The following MEIKIN variants were observed in gnomAD, a reference collection of about 807,000 sequenced individuals.
MEIKIN encodes meiosis-specific kinetochore protein.
intron 8 of MEIKIN, among the ~76,000 whole-genome samples, chr5:131,880,070 C>G (rs889019512): frequency 6.6e-6 from 1 of 151,800 alleles, no homozygotes; most frequent in Non-Finnish European, 1.5e-5. Context: ...CAGGCACACA[C>G]CACCACGCCC....
chr5:131,845,272 TAAAAAA>T lies in MEIKIN; in HGVS notation c.975+5986_975+5991del, dbSNP rs1158220526. Reference sequence around the variant, plus strand: ...GTGACAGAGCGAGAAGACTTCGTCTTAAAAAAAAAAAAAAAAAAAAAAAAAAAAGAT... The same window carrying T: ...GTGACAGAGCGAGAAGACTTCGTCTTAAAAAAAAAAAAAAAAAAAAAAGAT... On this transcript the variant is annotated intron_variant, in intron 11 of 12. Coordinates refer to ENST00000442687, the MANE Select transcript of MEIKIN (RefSeq NM_001303622.2). Among the ~76,000 whole-genome samples, 390 of 45,360 alleles carry T rather than the reference TAAAAAA, an allele frequency of 8.6e-3. 20 individuals carry two copies. The highest frequency in any genetic ancestry group is 0.046 in the African/African-American group (331 of 7,164). 29.8% of individuals were successfully genotyped at this position (45,360 alleles called of 152,430 possible). A position where few individuals can be genotyped will look rare whatever the true frequency, so the allele number is the denominator to read the frequency against.
Position 131,879,067 on chromosome 5 carries a change from T to C in MEIKIN, c.704-19A>G. On this transcript the variant is annotated intron_variant, in intron 8 of 12. Coordinates refer to ENST00000442687, the MANE Select transcript of MEIKIN (RefSeq NM_001303622.2). ...GCATTATCTATAAATAAAAACATAG[T>C]TCAGTATTCTACTTATTTCAACTGT... is the stretch of plus-strand genomic sequence containing the variant. The C allele has an allele frequency of 2.5e-6, 1 of 398,490 alleles. No individual in the cohort carries two copies. The highest frequency in any genetic ancestry group is 4.4e-6 in the Non-Finnish European group (1 of 225,796). The allele number at this position is 398,490 out of a possible 1,614,324, so 24.7% of individuals were successfully genotyped here.
chr5:131,852,690 T>C (rs1439963696), intron 10 of MEIKIN, among the ~76,000 whole-genome samples: 1 of 152,094 alleles, frequency 6.6e-6, no homozygotes, highest in East Asian at 1.9e-4. Flanking sequence ...GGCTGACTAT[T>C]AACGAATAGG....
chr5:131,907,188 G>T (rs1385146443), intron 8 of MEIKIN, among the ~76,000 whole-genome samples: 3 of 151,916 alleles, frequency 2.0e-5, no homozygotes, highest in African/African-American at 7.3e-5. Flanking sequence ...TACAGTGAAA[G>T]CAGTACTAAC....
intron 11 of MEIKIN, among the ~76,000 whole-genome samples, chr5:131,836,224 T>C (rs1749803606): frequency 6.6e-6 from 1 of 151,994 alleles, no homozygotes; most frequent in African/African-American, 2.4e-5. Flanking sequence ...AAAGACATGA[T>C]CTCATTCTTT....
chr5:131,885,302 G>GT, intron 8 of MEIKIN, among the ~76,000 whole-genome samples: 1 of 148,114 alleles, frequency 6.8e-6, no homozygotes, highest in African/African-American at 2.5e-5. Flanking sequence ...AGAGGTGCTT[G>GT]TGTTACCCCA....
intron 11 of MEIKIN, among the ~76,000 whole-genome samples, chr5:131,827,831 A>G (rs1395007297): frequency 6.6e-6 from 1 of 152,176 alleles, no homozygotes; most frequent in African/African-American, 2.4e-5. Context: ...TTTCAAACAC[A>G]CGCAACATAT....
At chr5:131,820,943 T>C (rs2149603246) in intron 11 of MEIKIN, among the ~76,000 whole-genome samples, 1 of 152,290 alleles carries the variant, frequency 6.6e-6, no homozygotes. Flanking sequence ...TGTTTATCTT[T>C]TCAAAATACC....
intron 11 of MEIKIN, among the ~76,000 whole-genome samples, chr5:131,837,209 A>G (rs931725389): frequency 2.0e-5 from 3 of 152,052 alleles, no homozygotes; most frequent in African/African-American, 7.2e-5. Context: ...TGAGCTCTCT[A>G]TTCTGTTCCT....
chr5:131,857,226 C>T (rs1183318767), intron 9 of MEIKIN, among the ~76,000 whole-genome samples: 1 of 151,770 alleles, frequency 6.6e-6, no homozygotes, highest in Non-Finnish European at 1.5e-5. Context: ...AAAACATTTC[C>T]AGCACTTCTC....
At chr5:131,885,500 CT>C (rs1339827912) in intron 8 of MEIKIN, among the ~76,000 whole-genome samples, 2 of 151,612 alleles carry the variant, frequency 1.3e-5, no homozygotes, top group Non-Finnish European at 2.9e-5. Flanking sequence ...CCAGATAATT[CT>C]TTCAGATCTT....
At chr5:131,844,071 A>G (rs888805462) in intron 11 of MEIKIN, among the ~76,000 whole-genome samples, 6 of 152,178 alleles carry the variant, frequency 3.9e-5, no homozygotes, top group South Asian at 2.1e-4. Flanking sequence ...ATGTGGCAAC[A>G]GGAGAAAAAG....
intron 6 of MEIKIN, among the ~76,000 whole-genome samples, chr5:131,920,073 C>CA (rs901537846): frequency 4.6e-5 from 7 of 152,150 alleles, no homozygotes; most frequent in Admixed American, 1.3e-4. Context: ...ATGCTAAAGA[C>CA]AAAAAGAACT....
chr5:131,942,823 C>T (rs1182734301), intron 3 of MEIKIN, 128 bp from the exon 4 acceptor site: 12 of 374,084 alleles, frequency 3.2e-5, no homozygotes, highest in Non-Finnish European at 5.7e-5. Flanking sequence ...ATATATAATA[C>T]ATTCATTCAG....
intron 8 of MEIKIN, among the ~76,000 whole-genome samples, chr5:131,881,568 C>G (rs1750703181): frequency 6.6e-6 from 1 of 152,124 alleles, no homozygotes; most frequent in South Asian, 2.1e-4. Context: ...ATAGCCCCAG[C>G]CTCTGGTCTG....
chr5:131,885,226 G>C (rs1190092422), intron 8 of MEIKIN, among the ~76,000 whole-genome samples: 1 of 152,076 alleles, frequency 6.6e-6, no homozygotes, highest in African/African-American at 2.4e-5. Context: ...CCTTGGGTGA[G>C]ACCCAGTGCT....
intron 11 of MEIKIN, among the ~76,000 whole-genome samples, chr5:131,840,630 G>A (rs1002448700): frequency 6.6e-6 from 1 of 152,074 alleles, no homozygotes. Context: ...CCTCAGCCTG[G>A]TCTATTCTGC....
intron 11 of MEIKIN, among the ~76,000 whole-genome samples, chr5:131,850,808 T>C (rs1040981153): frequency 3.3e-5 from 5 of 151,930 alleles, no homozygotes; most frequent in Admixed American, 2.6e-4. Context: ...GGCATGGTGG[T>C]GTATGCCTGC....
At chr5:131,853,755 T>C (rs558762204) in intron 10 of MEIKIN, among the ~76,000 whole-genome samples, 1 of 152,272 alleles carries the variant, frequency 6.6e-6, no homozygotes, top group South Asian at 2.1e-4. Flanking sequence ...ATGCTCAGTG[T>C]CATCCTTATT....
Sources: gnomAD v4.1 joint callset for allele counts (sites outside exome capture counted in the v4.1 genomes callset) on GRCh38, gnomAD v4.1.1 for gene constraint, MANE v1.5 for transcripts, NCBI Gene and HGNC (gene_info 2026-07-23, HGNC 2026-07-21) for gene names.